DLC1: variants seen among roughly 807,000 people sequenced by gnomAD.
DLC1 encodes DLC1 Rho GTPase activating protein.
DLC1 carries 54 observed loss-of-function variants against 140.3 expected under a neutral mutation model. The observed-to-expected ratio is 0.38, with a 90% CI of 0.31 to 0.48. DLC1 has a LOEUF of 0.48. Among genes scored for constraint, DLC1 ranks in the 20% least tolerant of loss-of-function variants. The pLI is 0.96. For missense variants in DLC1, 2,536 were observed against 1,907.0 expected, an observed-to-expected ratio of 1.33 and a Z score of -6.14; for synonymous variants, 986 against 728.1, an observed-to-expected ratio of 1.35 and a Z score of -5.70.
intron 1 of DLC1, among the ~76,000 whole-genome samples, chr8:13,591,749 C>T (rs1427260007): frequency 3.4e-5 from 5 of 148,118 alleles, no homozygotes; most frequent in African/African-American, 9.9e-5. Flanking sequence ...TGACAGAATT[C>T]ATGGATATGT....
intron 1 of DLC1, among the ~76,000 whole-genome samples, chr8:13,592,830 G>T (rs975337259): frequency 6.6e-6 from 1 of 152,016 alleles, no homozygotes; most frequent in East Asian, 1.9e-4. Flanking sequence ...GCAATGATTT[G>T]TCTCTGTTAC....
At chr8:13,465,267 G>A (rs906947212) in intron 2 of DLC1, among the ~76,000 whole-genome samples, 1 of 152,146 alleles carries the variant, frequency 6.6e-6, no homozygotes, top group Non-Finnish European at 1.5e-5. Context: ...ACTTCTAGGA[G>A]TGAAGTTCCT....
intron 2 of DLC1, among the ~76,000 whole-genome samples, chr8:13,417,872 G>T (rs1838144715): frequency 6.6e-6 from 1 of 152,116 alleles, no homozygotes; most frequent in Non-Finnish European, 1.5e-5. Context: ...TCCAGCACCT[G>T]TTGTTTCCTG....
At chr8:13,392,807 C>A (rs570683749) in intron 4 of DLC1, among the ~76,000 whole-genome samples, 2 of 137,838 alleles carry the variant, frequency 1.5e-5, no homozygotes, top group Non-Finnish European at 3.1e-5. Context: ...TTCCTCCTTT[C>A]GTGGTGTATT....
chr8:13,094,071 G>A (rs1393303825), intron 12 of DLC1, among the ~76,000 whole-genome samples: 1 of 152,024 alleles, frequency 6.6e-6, no homozygotes, highest in Non-Finnish European at 1.5e-5. Context: ...TAAATCCAAC[G>A]GCCCTCCAAG....
intron 5 of DLC1, among the ~76,000 whole-genome samples, chr8:13,202,346 T>C (rs1371662357): frequency 1.3e-5 from 2 of 152,230 alleles, no homozygotes; most frequent in Non-Finnish European, 2.9e-5. Flanking sequence ...TTTTGATACA[T>C]ACGTACATTG....
At chr8:13,563,062 G>C (rs373653371) in intron 1 of DLC1, among the ~76,000 whole-genome samples, 2 of 152,226 alleles carry the variant, frequency 1.3e-5, no homozygotes, top group East Asian at 3.9e-4. Context: ...TATAGGGAAC[G>C]TAATGGCAAG....
intron 5 of DLC1, among the ~76,000 whole-genome samples, chr8:13,289,876 C>T (rs959482375): frequency 6.6e-6 from 1 of 152,128 alleles, no homozygotes; most frequent in African/African-American, 2.4e-5. Flanking sequence ...ATTTTAATTA[C>T]CTTAAAAGGT....
chr8:13,111,564 C>T (rs1820114655), intron 6 of DLC1, among the ~76,000 whole-genome samples: 1 of 152,140 alleles, frequency 6.6e-6, no homozygotes, highest in Non-Finnish European at 1.5e-5. Context: ...GGAGGAATTC[C>T]TTTCTCTGGA....
At chr8:13,166,840 G>C (rs989524412) in intron 5 of DLC1, among the ~76,000 whole-genome samples, 2 of 152,194 alleles carry the variant, frequency 1.3e-5, no homozygotes, top group Admixed American at 1.3e-4. Context: ...TGGGACCTAG[G>C]TGGGGCCTGA....
intron 5 of DLC1, among the ~76,000 whole-genome samples, chr8:13,250,339 T>A (rs1478052739): frequency 1.3e-5 from 2 of 152,126 alleles, no homozygotes; most frequent in African/African-American, 4.8e-5. Flanking sequence ...GTTCAAAGAG[T>A]TCTCCTGGTT....
At chr8:13,422,886 A>C (rs1346081604) in intron 2 of DLC1, among the ~76,000 whole-genome samples, 1 of 152,150 alleles carries the variant, frequency 6.6e-6, no homozygotes, top group Non-Finnish European at 1.5e-5. Flanking sequence ...GATATGGCCC[A>C]GGGTCAGCTT....
rs1027389341 is a variant in DLC1, at chr8:13,461,826, C to T, written c.1023+37223G>A. On this transcript the variant is annotated intron_variant, in intron 2 of 17. Coordinates refer to ENST00000276297, the MANE Select transcript of DLC1 (RefSeq NM_182643.3). ...CTGATGCCGATGCTCTTCGTTACCCCGTACTATCTTCCTCATTGATAATTA... is the reference window on the plus strand; with the variant it reads ...CTGATGCCGATGCTCTTCGTTACCCTGTACTATCTTCCTCATTGATAATTA... 2.6e-5 allele frequency among the ~76,000 whole-genome samples: 4 copies of T among 152,116 alleles called. 1 individual carries two copies. Among genetic ancestry groups the T allele is most frequent in the Admixed American group, 2.0e-4 (3 of 15,276 alleles).
At chr8:13,171,939 C>G (rs978315425) in intron 5 of DLC1, among the ~76,000 whole-genome samples, 3 of 152,092 alleles carry the variant, frequency 2.0e-5, no homozygotes, top group Admixed American at 6.5e-5. Context: ...TATCTGAATG[C>G]TCATCCATGG....
chr8:13,308,119 A>G (rs546189548), intron 4 of DLC1, among the ~76,000 whole-genome samples: 1 of 152,352 alleles, frequency 6.6e-6, no homozygotes, highest in African/African-American at 2.4e-5. Flanking sequence ...TGATTTCAAA[A>G]GTATATAACC....
chr8:13,110,700 T>TA (rs761226824), intron 7 of DLC1, 42 bp downstream of exon 7: 2 of 1,573,370 alleles, frequency 1.3e-6, no homozygotes, highest in South Asian at 2.3e-5. Flanking sequence ...ACTGTGTTCT[T>TA]AAAAAATAAA....
intron 5 of DLC1, among the ~76,000 whole-genome samples, chr8:13,223,391 A>C (rs1828650287): frequency 6.6e-6 from 1 of 152,230 alleles, no homozygotes; most frequent in Non-Finnish European, 1.5e-5. Context: ...ACTTTAAATA[A>C]TACAATAATC....
intron 5 of DLC1, 127 bp from the exon 6 acceptor site, chr8:13,115,784 CAG>C (rs1249160383): frequency 2.5e-6 from 2 of 811,620 alleles, no homozygotes; most frequent in African/African-American, 1.7e-5. Flanking sequence ...GATAAGCAAA[CAG>C]ACATACACGC....
At chr8:13,412,135 A>G (rs1170207246) in intron 2 of DLC1, among the ~76,000 whole-genome samples, 1 of 152,224 alleles carries the variant, frequency 6.6e-6, no homozygotes, top group Non-Finnish European at 1.5e-5. Flanking sequence ...ACAACCTAAT[A>G]AAATTGGTCA....
Sources: gnomAD v4.1 joint callset for allele counts (sites outside exome capture counted in the v4.1 genomes callset) on GRCh38, gnomAD v4.1.1 for gene constraint, MANE v1.5 for transcripts, NCBI Gene and HGNC (gene_info 2026-07-23, HGNC 2026-07-21) for gene names.